CHIC1: variants seen among roughly 807,000 people sequenced by gnomAD.
CHIC1 encodes cysteine rich hydrophobic domain 1, also known as cysteine-rich hydrophobic domain-containing protein 1.
In CHIC1, 7 loss-of-function variants were observed where a neutral mutation model predicts 18.5. The ratio of observed to expected loss-of-function variants is 0.38; its 90% CI spans 0.22 to 0.71. The LOEUF is 0.71. Among genes scored for constraint, CHIC1 ranks in the 30% least tolerant of loss-of-function variants. The probability of loss-of-function intolerance (pLI) is 0.49; values close to 1 mark genes in which losing one functional copy is unlikely to be tolerated. For missense variants in CHIC1, 159 were observed against 176.9 expected (o/e 0.90, Z 0.57); for synonymous variants, 77 against 73.5 (o/e 1.05, Z -0.25).
chrX:73,594,142 C>CTTTGTTTTGTTTTGT lies in CHIC1; in HGVS notation c.507+9602_507+9616dup, dbSNP rs199752892. On this transcript the variant is annotated intron_variant, in intron 3 of 5. Transcript: ENST00000373502. Reference sequence around the variant, plus strand: ...GTGAATGTTGTGTACAGGTGCTTTCCTTTGTTTTGTTTTGTTTTGTTTTGT... The same window carrying CTTTGTTTTGTTTTGT: ...GTGAATGTTGTGTACAGGTGCTTTCCTTTGTTTTGTTTTGTTTTGTTTTGTTTTGTTTTGTTTTGT... 2.9e-3 allele frequency among the ~76,000 whole-genome samples: 295 copies of CTTTGTTTTGTTTTGT among 101,570 alleles called. 2 individuals carry two copies. In the East Asian group the frequency reaches 0.041, roughly 14 times the overall value. The allele number at this position is 101,570 out of a possible 115,157, so 88.2% of individuals were successfully genotyped here. A position where few individuals can be genotyped will look rare whatever the true frequency, so the allele number is the denominator to read the frequency against.
chrX:73,655,271 G>GGT (rs1180291096), intron 3 of CHIC1, among the ~76,000 whole-genome samples: 5 of 105,783 alleles, frequency 4.7e-5, no homozygotes, highest in African/African-American at 1.7e-4. Context: ...CCGTGGTGGT[G>GGT]GTGTGTGTGT....
At chrX:73,607,656 CTG>C (rs1161034847) in intron 3 of CHIC1, among the ~76,000 whole-genome samples, 4 of 108,944 alleles carry the variant, frequency 3.7e-5, no homozygotes, top group African/African-American at 1.4e-4. Flanking sequence ...GTTGTGAAGT[CTG>C]TGGGAAAAGT....
intron 3 of CHIC1, among the ~76,000 whole-genome samples, chrX:73,678,285 G>T (rs66526533): frequency 8.9e-6 from 1 of 112,202 alleles, no homozygotes; most frequent in South Asian, 3.7e-4. Context: ...GTGCCAGGTA[G>T]ACTGGTCCTC....
intron 1 of CHIC1, among the ~76,000 whole-genome samples, chrX:73,572,422 A>T (rs1465026149): frequency 9.0e-6 from 1 of 111,011 alleles, no homozygotes; most frequent in Non-Finnish European, 1.9e-5. Flanking sequence ...TGCGATGAGC[A>T]TATGGGCACG....
intron 3 of CHIC1, among the ~76,000 whole-genome samples, chrX:73,648,687 G>A (rs1159194281): frequency 9.0e-6 from 1 of 110,856 alleles, no homozygotes; most frequent in Non-Finnish European, 1.9e-5. Flanking sequence ...GAAAAGGAAC[G>A]AACAAAGCCT....
intron 3 of CHIC1, among the ~76,000 whole-genome samples, chrX:73,596,439 AT>A (rs747373107): frequency 8.9e-6 from 1 of 111,964 alleles, no homozygotes. Flanking sequence ...TATTGTGAAA[AT>A]AGCCATACTG....
At chrX:73,666,192 A>G (rs2058003666) in intron 3 of CHIC1, among the ~76,000 whole-genome samples, 1 of 111,539 alleles carries the variant, frequency 9.0e-6, no homozygotes, top group Admixed American at 9.5e-5. Flanking sequence ...ACCATAACCA[A>G]TCTCCTACAT....
At chrX:73,679,919 A>T (rs1206815697) in intron 5 of CHIC1, among the ~76,000 whole-genome samples, 1 of 111,635 alleles carries the variant, frequency 9.0e-6, no homozygotes, top group Middle Eastern at 4.2e-3. Flanking sequence ...ATCTTAGAAA[A>T]GTTTCAGTTA....
At chrX:73,662,329 A>C in intron 3 of CHIC1, among the ~76,000 whole-genome samples, 1 of 108,336 alleles carries the variant, frequency 9.2e-6, no homozygotes, top group Non-Finnish European at 1.9e-5. Context: ...AGAGTGTTTT[A>C]GTCCCAGTAG....
intron 3 of CHIC1, among the ~76,000 whole-genome samples, chrX:73,673,526 T>G (rs190259848): frequency 8.9e-6 from 1 of 111,741 alleles, no homozygotes; most frequent in African/African-American, 3.3e-5. Flanking sequence ...AATGGGAGTT[T>G]ACTCATGATT....
At chrX:73,581,693 A>G (rs1603340357) in intron 2 of CHIC1, among the ~76,000 whole-genome samples, 1 of 110,657 alleles carries the variant, frequency 9.0e-6, no homozygotes, top group Admixed American at 9.7e-5. Context: ...TTGTCTTATG[A>G]CCTCAAAAAA....
chrX:73,639,351 C>T (rs1569503741), intron 3 of CHIC1, among the ~76,000 whole-genome samples: 1 of 111,552 alleles, frequency 9.0e-6, no homozygotes, highest in Non-Finnish European at 1.9e-5. Context: ...TGTCCTTTGC[C>T]CACTTTTTAA....
chrX:73,605,244 C>T (rs1370806985), intron 3 of CHIC1, among the ~76,000 whole-genome samples: 1 of 108,270 alleles, frequency 9.2e-6, no homozygotes, highest in Non-Finnish European at 1.9e-5. Flanking sequence ...AACCCTTTAC[C>T]ATTTGTAATG....
intron 3 of CHIC1, among the ~76,000 whole-genome samples, chrX:73,614,148 T>G (rs1428427675): frequency 8.9e-6 from 1 of 111,801 alleles, no homozygotes; most frequent in Non-Finnish European, 1.9e-5. Context: ...TATAGTATCC[T>G]TGGCTGGCAT....
At chrX:73,614,954 G>T (rs1020907436) in intron 3 of CHIC1, among the ~76,000 whole-genome samples, 2 of 110,773 alleles carry the variant, frequency 1.8e-5, no homozygotes, top group East Asian at 5.7e-4. Flanking sequence ...ATGTTTTTTT[G>T]TGTGTGTCCT....
At chrX:73,584,594 T>C (rs2057544411) in intron 3 of CHIC1, 22 bp downstream of exon 3, 1 of 996,548 alleles carries the variant, frequency 1.0e-6, no homozygotes, top group Non-Finnish European at 1.3e-6. Context: ...TTTTATTGTA[T>C]AATAATAATA....
chrX:73,660,839 A>T (rs1229543053), intron 3 of CHIC1, among the ~76,000 whole-genome samples: 1 of 111,778 alleles, frequency 8.9e-6, no homozygotes, highest in African/African-American at 3.3e-5. Context: ...CACACCATAC[A>T]TTACTGTTTA....
intron 2 of CHIC1, among the ~76,000 whole-genome samples, chrX:73,577,963 G>T (rs2057508329): frequency 9.2e-6 from 1 of 109,258 alleles, no homozygotes. Context: ...CCTCTACATT[G>T]AGTAGTATTT....
chrX:73,581,751 C>T (rs1195172591), intron 2 of CHIC1, among the ~76,000 whole-genome samples: 1 of 110,167 alleles, frequency 9.1e-6, no homozygotes, highest in East Asian at 2.8e-4. Flanking sequence ...GTTTTTAATT[C>T]GTCTATGGTA....
Sources: allele counts gnomAD v4.1 joint callset (sites outside exome capture counted in the v4.1 genomes callset), GRCh38; gene constraint gnomAD v4.1.1; transcripts MANE v1.5; gene names NCBI Gene and HGNC (gene_info 2026-07-23, HGNC 2026-07-21).